Variants in SMYD3 observed in about 807,000 individuals in gnomAD.
SMYD3 encodes histone-lysine N-methyltransferase SMYD3.
SMYD3 carries 36 observed loss-of-function variants against 57.7 expected under a neutral mutation model. The ratio of observed to expected loss-of-function variants is 0.62; its 90% CI spans 0.48 to 0.82. The LOEUF is 0.82. Ranked by LOEUF, SMYD3 falls within the 40% of genes least tolerant of loss-of-function variation. The pLI is 0.00. For synonymous variants in SMYD3, 211 were observed against 195.0 expected, an observed-to-expected ratio of 1.08 and a Z score of -0.68; for missense variants, 515 against 538.8, an observed-to-expected ratio of 0.96 and a Z score of 0.44.
intron 5 of SMYD3, among the ~76,000 whole-genome samples, chr1:246,121,873 A>G (rs901820119): frequency 2.0e-5 from 3 of 152,218 alleles, no homozygotes; most frequent in Non-Finnish European, 4.4e-5. Flanking sequence ...CGATTACTAC[A>G]GAGTTCTAAT....
In SMYD3 at chr1:246,202,014, A is replaced by T. The variant is rs1429715083; in HGVS notation, c.531+125187T>A. On this transcript the variant is annotated intron_variant, in intron 5 of 11. Coordinates refer to ENST00000490107, the MANE Select transcript of SMYD3 (RefSeq NM_001167740.2). This position sits in a 1 kb window ranked among gnomAD's most constrained non-coding sequence, Gnocchi z 4.1. ...GGCAACAGAGACTCTGTCTCAATTT[A>T]AAAAAAAAAAACAAAAAAAAGCCAT... Among the ~76,000 whole-genome samples the T allele has an allele frequency of 1.5e-5, 2 of 132,008 alleles. No homozygotes were observed. Among genetic ancestry groups the T allele is most frequent in the East Asian group, 2.0e-4 (1 of 5,022 alleles). The allele number at this position is 132,008 out of a possible 152,430, so 86.6% of individuals were successfully genotyped here. A position where few individuals can be genotyped will look rare whatever the true frequency, so the allele number is the denominator to read the frequency against.
chr1:246,271,123 T>G (rs1242235101), intron 5 of SMYD3, among the ~76,000 whole-genome samples: 1 of 152,230 alleles, frequency 6.6e-6, no homozygotes, highest in African/African-American at 2.4e-5. Context: ...GAAAAATGTC[T>G]ACTTAAGTCC....
At chr1:245,857,859 G>T (rs1182668320) in intron 10 of SMYD3, among the ~76,000 whole-genome samples, 1 of 152,072 alleles carries the variant, frequency 6.6e-6, no homozygotes, top group Admixed American at 6.5e-5. Context: ...GCTTTTCTGA[G>T]TTATAAAAAC....
chr1:246,505,108 T>G (rs1386936528), intron 1 of SMYD3, among the ~76,000 whole-genome samples: 1 of 152,218 alleles, frequency 6.6e-6, no homozygotes, highest in Admixed American at 6.5e-5. Flanking sequence ...AAAATACTAG[T>G]AAGTATTTGT....
chr1:245,946,990 G>A (rs1023845711), intron 5 of SMYD3, among the ~76,000 whole-genome samples: 1 of 152,092 alleles, frequency 6.6e-6, no homozygotes, highest in Admixed American at 6.5e-5. Context: ...GGGCAGCGTC[G>A]AATCTGCCAG....
At chr1:246,100,208 G>A (rs760652479) in intron 5 of SMYD3, among the ~76,000 whole-genome samples, 3 of 151,960 alleles carry the variant, frequency 2.0e-5, no homozygotes, top group East Asian at 1.9e-4. Context: ...AGACTTCAAC[G>A]CATTAAAACA....
chr1:246,039,237 G>A (rs946376468), intron 5 of SMYD3, among the ~76,000 whole-genome samples: 5 of 152,046 alleles, frequency 3.3e-5, no homozygotes, highest in African/African-American at 1.2e-4. Context: ...AATTGTAGTC[G>A]GTTGCTCTGT....
intron 5 of SMYD3, among the ~76,000 whole-genome samples, chr1:246,248,636 C>T (rs12078523): frequency 0.043 from 2,240 of 52,160 alleles, 99 homozygotes; most frequent in East Asian, 0.17. Context: ...TCTGACTTTC[C>T]TTTTTTTTTT....
intron 5 of SMYD3, among the ~76,000 whole-genome samples, chr1:246,300,111 G>A (rs551846934): frequency 6.6e-6 from 1 of 152,198 alleles, no homozygotes; most frequent in East Asian, 1.9e-4. Context: ...GCATGTAGCT[G>A]TGTATATACT....
chr1:246,229,848 A>G (rs2063384938), intron 5 of SMYD3, among the ~76,000 whole-genome samples: 1 of 152,106 alleles, frequency 6.6e-6, no homozygotes, highest in African/African-American at 2.4e-5. Context: ...CATTCAAATC[A>G]TAGCACGTGC....
chr1:246,224,418 T>C (rs1173458734), intron 5 of SMYD3, among the ~76,000 whole-genome samples: 1 of 151,820 alleles, frequency 6.6e-6, no homozygotes. Context: ...TGAGGTGTGG[T>C]CAAGGGGATG....
chr1:246,102,504 T>C (rs1474714067), intron 5 of SMYD3, among the ~76,000 whole-genome samples: 4 of 152,176 alleles, frequency 2.6e-5, no homozygotes, highest in Non-Finnish European at 5.9e-5. Context: ...ACATGCCATA[T>C]AGAACCCAGC....
chr1:246,248,431 T>A (rs1301136657), intron 5 of SMYD3, among the ~76,000 whole-genome samples: 2 of 152,126 alleles, frequency 1.3e-5, no homozygotes, highest in African/African-American at 4.8e-5. Context: ...CAACAGAGAC[T>A]TTTTGGAAAG....
At chr1:245,972,417 T>TC (rs1336948395) in intron 5 of SMYD3, among the ~76,000 whole-genome samples, 1 of 152,228 alleles carries the variant, frequency 6.6e-6, no homozygotes, top group Non-Finnish European at 1.5e-5. Flanking sequence ...AGAATTAGAA[T>TC]CTGCACCTCC....
intron 5 of SMYD3, among the ~76,000 whole-genome samples, chr1:245,957,081 T>C (rs2057867482): frequency 6.6e-6 from 1 of 152,206 alleles, no homozygotes; most frequent in African/African-American, 2.4e-5. Flanking sequence ...AATAGGCATG[T>C]ATTCATCTGC....
chr1:246,059,450 T>G (rs1054850699), intron 5 of SMYD3, among the ~76,000 whole-genome samples: 2 of 152,208 alleles, frequency 1.3e-5, no homozygotes, highest in African/African-American at 4.8e-5. Flanking sequence ...TATGACCAAC[T>G]GGAGGTGTTT....
intron 10 of SMYD3, among the ~76,000 whole-genome samples, chr1:245,801,090 C>A (rs2047837849): frequency 6.6e-6 from 1 of 152,134 alleles, no homozygotes; most frequent in Non-Finnish European, 1.5e-5. Flanking sequence ...CTTTTAAAGT[C>A]AAGTTTCTGG....
At chr1:246,427,651 C>A (rs187037413) in intron 1 of SMYD3, among the ~76,000 whole-genome samples, 1 of 152,124 alleles carries the variant, frequency 6.6e-6, no homozygotes, top group South Asian at 2.1e-4. Context: ...ATCACTTGAG[C>A]CCAGGAGTTC....
At chr1:246,453,406 C>G (rs1480486218) in intron 1 of SMYD3, among the ~76,000 whole-genome samples, 1 of 152,058 alleles carries the variant, frequency 6.6e-6, no homozygotes, top group African/African-American at 2.4e-5. Context: ...TGGTGGATTA[C>G]AAAATCACAT....
Sources: gnomAD v4.1 joint callset for allele counts (sites outside exome capture counted in the v4.1 genomes callset) on GRCh38, gnomAD v4.1.1 for gene constraint, Gnocchi (gnomAD v3.1) non-coding constraint, MANE v1.5 for transcripts, NCBI Gene and HGNC (gene_info 2026-07-23, HGNC 2026-07-21) for gene names.